Variants in CYB5R4 observed in about 807,000 individuals in gnomAD.
CYB5R4 encodes the protein N-terminal cytochrome b5 and cytochrome b5 oxidoreductase domain-containing protein.
A neutral mutation model predicts 70.2 loss-of-function variants in CYB5R4; 55 were observed. The observed-to-expected ratio is 0.78, with a 90% CI of 0.63 to 0.98. The LOEUF is 0.98. Ranked by LOEUF, CYB5R4 falls within the 50% of genes least tolerant of loss-of-function variation. The probability of loss-of-function intolerance (pLI) is 0.00; values close to 1 mark genes in which losing one functional copy is unlikely to be tolerated. For synonymous variants in CYB5R4, 197 were observed against 199.5 expected, an observed-to-expected ratio of 0.99 and a Z score of 0.11; for missense variants, 562 against 612.6, an observed-to-expected ratio of 0.92 and a Z score of 0.87.
chr6:83,951,659 A>G (rs1588587328), intron 14 of CYB5R4, among the ~76,000 whole-genome samples: 1 of 152,166 alleles, frequency 6.6e-6, no homozygotes, highest in South Asian at 2.1e-4. Context: ...GTAATGTGCC[A>G]CATTTTCTTT....
At chr6:83,890,151 G>C (rs957053109) in intron 2 of CYB5R4, among the ~76,000 whole-genome samples, 1 of 152,224 alleles carries the variant, frequency 6.6e-6, no homozygotes, top group African/African-American at 2.4e-5. Flanking sequence ...TATGACTGCT[G>C]TAGATAGTGA....
At chr6:83,861,892 G>C (rs2099455993) in intron 1 of CYB5R4, among the ~76,000 whole-genome samples, 1 of 152,204 alleles carries the variant, frequency 6.6e-6, no homozygotes, top group Admixed American at 6.5e-5. Flanking sequence ...TTTGTGACCA[G>C]AAATATGCTG....
chr6:83,955,726 A>G (rs2099472329), intron 15 of CYB5R4, among the ~76,000 whole-genome samples: 1 of 152,232 alleles, frequency 6.6e-6, no homozygotes, highest in Non-Finnish European at 1.5e-5. Flanking sequence ...TTACACTCAC[A>G]AGATTGGTGC....
At chr6:83,867,854 C>A (rs1049715474) in intron 2 of CYB5R4, among the ~76,000 whole-genome samples, 1 of 152,150 alleles carries the variant, frequency 6.6e-6, no homozygotes, top group Non-Finnish European at 1.5e-5. Flanking sequence ...GTATAATTGC[C>A]CTGCTTACGC....
At chr6:83,945,484 C>T (rs541676966) in intron 14 of CYB5R4, among the ~76,000 whole-genome samples, 26 of 151,926 alleles carry the variant, frequency 1.7e-4, no homozygotes, top group Admixed American at 1.2e-3. Flanking sequence ...GATCTAAAAT[C>T]GACACCCTAA....
chr6:83,927,403 A>G (rs980422331), intron 10 of CYB5R4, among the ~76,000 whole-genome samples: 4 of 152,146 alleles, frequency 2.6e-5, no homozygotes, highest in African/African-American at 9.7e-5. Context: ...TAGTCCCACA[A>G]GACTGCCCCC....
intron 2 of CYB5R4, among the ~76,000 whole-genome samples, chr6:83,882,124 C>T (rs998472217): frequency 1.3e-5 from 2 of 152,128 alleles, no homozygotes; most frequent in African/African-American, 4.8e-5. Context: ...GTGAAGATGA[C>T]TGGTGAACAG....
At chr6:83,861,607 G>A (rs555698131) in intron 1 of CYB5R4, among the ~76,000 whole-genome samples, 1 of 152,132 alleles carries the variant, frequency 6.6e-6, no homozygotes, top group Non-Finnish European at 1.5e-5. Flanking sequence ...TAGGTTAATT[G>A]GTGTGTCTAA....
At chr6:83,911,319 A>G (rs2099464649) in intron 4 of CYB5R4, among the ~76,000 whole-genome samples, 1 of 152,126 alleles carries the variant, frequency 6.6e-6, no homozygotes, top group Admixed American at 6.5e-5. Context: ...CTGTTTAGAG[A>G]TATGGAGGAA....
intron 10 of CYB5R4, among the ~76,000 whole-genome samples, chr6:83,933,447 AT>A (rs2099468450): frequency 6.6e-6 from 1 of 152,198 alleles, no homozygotes; most frequent in Non-Finnish European, 1.5e-5. Context: ...CTAAGCATTG[AT>A]TATTAGCTGT....
chr6:83,899,417 TAA>T (rs1287893049), intron 3 of CYB5R4, among the ~76,000 whole-genome samples: 1 of 152,204 alleles, frequency 6.6e-6, no homozygotes, highest in Non-Finnish European at 1.5e-5. Context: ...GATATTGGTC[TAA>T]AATTCTCTTT....
intron 2 of CYB5R4, among the ~76,000 whole-genome samples, chr6:83,871,861 A>T (rs1412665702): frequency 1.3e-5 from 2 of 151,228 alleles, no homozygotes; most frequent in Non-Finnish European, 2.9e-5. Flanking sequence ...GGTGTTGCTA[A>T]TTTTTTCTCT....
At chr6:83,917,315 T>A (rs2129139359) in intron 5 of CYB5R4, among the ~76,000 whole-genome samples, 1 of 152,216 alleles carries the variant, frequency 6.6e-6, no homozygotes, top group South Asian at 2.1e-4. Context: ...TACAACCACT[T>A]TGAAAAGCCA....
intron 2 of CYB5R4, among the ~76,000 whole-genome samples, chr6:83,889,158 T>C (rs934307540): frequency 6.6e-6 from 1 of 152,242 alleles, no homozygotes; most frequent in Admixed American, 6.5e-5. Context: ...AAGCATCAAA[T>C]GCTGATGTAG....
At chr6:83,922,600 C>A in intron 9 of CYB5R4, 130 bp downstream of exon 9, 1 of 642,114 alleles carries the variant, frequency 1.6e-6, no homozygotes, top group Non-Finnish European at 2.7e-6. Flanking sequence ...CATTGCAAAA[C>A]AAAGATGTGA....
At chr6:83,942,264 C>T (rs918918768) in intron 14 of CYB5R4, among the ~76,000 whole-genome samples, 2 of 152,180 alleles carry the variant, frequency 1.3e-5, no homozygotes, top group Admixed American at 1.3e-4. Flanking sequence ...GCATTTCCAA[C>T]TGAGATACCT....
intron 8 of CYB5R4, 86 bp downstream of exon 8, chr6:83,921,261 A>G (rs2099466332): frequency 8.8e-7 from 1 of 1,131,776 alleles, no homozygotes; most frequent in Non-Finnish European, 1.2e-6. Flanking sequence ...GGTAACTGTA[A>G]TATTTTATCT....
intron 14 of CYB5R4, among the ~76,000 whole-genome samples, chr6:83,951,946 T>C (rs1003821309): frequency 4.0e-5 from 6 of 151,852 alleles, no homozygotes; most frequent in African/African-American, 1.5e-4. Flanking sequence ...CCAGCATCTG[T>C]TACATTTTGA....
chr6:83,935,351 A>G (rs549107899), intron 11 of CYB5R4, among the ~76,000 whole-genome samples: 49 of 152,264 alleles, frequency 3.2e-4, no homozygotes, highest in Middle Eastern at 3.4e-3. Flanking sequence ...GCAGTCGTCT[A>G]AAATGTTACC....
Sources: gnomAD v4.1 joint callset for allele counts (sites outside exome capture counted in the v4.1 genomes callset) on GRCh38, gnomAD v4.1.1 for gene constraint, MANE v1.5 for transcripts, NCBI Gene and HGNC (gene_info 2026-07-23, HGNC 2026-07-21) for gene names.